CCDC59: variants seen among roughly 807,000 people sequenced by gnomAD.
CCDC59 encodes coiled-coil domain containing 59, also known as thyroid transcription factor 1-associated protein 26.
CCDC59 carries 27 observed loss-of-function variants against 30.5 expected under a neutral mutation model. The ratio of observed to expected loss-of-function variants is 0.89; its 90% CI spans 0.65 to 1.22. The LOEUF (loss-of-function observed/expected upper bound fraction) is 1.22. CCDC59 is among the 50% of genes most tolerant of loss of function. The probability of loss-of-function intolerance (pLI) is 0.00; values close to 1 mark genes in which losing one functional copy is unlikely to be tolerated. For missense variants in CCDC59, 362 were observed against 284.4 expected, an observed-to-expected ratio of 1.27 and a Z score of -1.96; for synonymous variants, 125 against 100.9, an observed-to-expected ratio of 1.24 and a Z score of -1.43.
chr12:82,358,454 G>A, upstream of CCDC59: 1 of 1,603,584 alleles, frequency 6.2e-7, no homozygotes, highest in South Asian at 1.1e-5. Context: ...GCAATCAATC[G>A]CTCAGAAGGA....
intron 2 of CCDC59, chr12:82,356,203 G>A (rs1881004491): frequency 6.6e-6 from 1 of 152,102 alleles, no homozygotes; most frequent in Non-Finnish European, 1.5e-5. Flanking sequence ...TTAGATTTTA[G>A]CATTGTTTTT....
In CCDC59 at chr12:82,353,037, T is replaced by A. The variant is rs916209939; in HGVS notation, c.*114A>T. The A allele has an allele frequency of 1.4e-6, 1 of 740,462 alleles. No homozygotes were observed. Among genetic ancestry groups the A allele is most frequent in the South Asian group, 2.3e-5 (1 of 43,876 alleles). 45.9% of individuals were successfully genotyped at this position (740,462 alleles called of 1,614,324 possible). On this transcript the variant is annotated 3_prime_UTR_variant, in exon 4 of 4. Coordinates refer to ENST00000256151, the MANE Select transcript of CCDC59 (RefSeq NM_014167.5). Reference sequence around the variant, plus strand: ...TAAAAATATGTGAACATCTTATATTTAGCATAGTTTAGCAATCCAGTTTAT... The same window carrying A: ...TAAAAATATGTGAACATCTTATATTAAGCATAGTTTAGCAATCCAGTTTAT...
intron 3 of CCDC59, among the ~76,000 whole-genome samples, chr12:82,354,192 T>C (rs940985901): frequency 2.6e-5 from 4 of 152,160 alleles, no homozygotes; most frequent in African/African-American, 9.7e-5. Flanking sequence ...TTGAGGTGCT[T>C]GTTAACAAGT....
intron 2 of CCDC59, chr12:82,355,964 C>G (rs1041891524): frequency 6.6e-5 from 10 of 152,178 alleles, no homozygotes; most frequent in African/African-American, 2.4e-4. Context: ...TACATTTCTA[C>G]TGCTAATCTT....
intron 1 of CCDC59, among the ~76,000 whole-genome samples, chr12:82,357,969 G>A (rs1020165918): frequency 1.3e-5 from 2 of 152,094 alleles, no homozygotes; most frequent in Non-Finnish European, 2.9e-5. Flanking sequence ...CAGTTTCTCA[G>A]GAAAAATATA....
chr12:82,358,727 ACCGGAGACAGTG>A, upstream of CCDC59: 2 of 1,614,060 alleles, frequency 1.2e-6, no homozygotes, highest in Admixed American at 1.7e-5. Flanking sequence ...TCGACTTGCC[ACCGGAGACAGTG>A]CTGGCTGCGC....
chr12:82,357,438 G>A, intron 1 of CCDC59, 169 bp from the exon 2 acceptor site: 1 of 617,528 alleles, frequency 1.6e-6, no homozygotes, highest in Non-Finnish European at 2.8e-6. Context: ...CTGATGGATT[G>A]CATAGTAAGT....
rs750767488 is a variant in CCDC59 at position 82,354,602 on chromosome 12, T to C, written c.465-8A>G. ...TTTGGAATTGTAAAGGAGCTTTTAA[T>C]TGGGGGATGAGGAAACAGGACTTTA... On this transcript the variant is annotated splice_region_variant and splice_polypyrimidine_tract_variant and intron_variant, in intron 2 of 3. Transcript: ENST00000256151. 2.5e-5 allele frequency: 39 copies of C among 1,565,370 alleles called. No homozygotes were observed. In the South Asian group the frequency reaches 4.4e-4, roughly 18 times the overall value.
At chr12:82,355,339 T>C (rs1394944198) in intron 2 of CCDC59, 4 of 152,316 alleles carry the variant, frequency 2.6e-5, no homozygotes, top group Non-Finnish European at 4.4e-5. Context: ...AAATATTAAA[T>C]TGAAAAATTC....
chr12:82,354,514 T>C lies in CCDC59; in HGVS notation c.545A>G (p.Lys182Arg), dbSNP rs192072744. Residue 182 changes from lysine (K) to arginine (R), a missense_variant, in exon 3 of 4, where the codon AAA (lysine) becomes AGA (arginine). Physicochemically the swap from Lys to Arg is conservative, Grantham distance 26 (BLOSUM62 2). Transcript: ENST00000256151. ...ACTTACTTGTTTCTTAGCAGCACGT[T>C]TGGCTTGTATCTGTTCATATTCTTC... ...AQEEYEQIQA[K>R]RAAKKQEFER... 1.9e-6 allele frequency: 3 copies of C among 1,596,274 alleles called. No homozygotes were observed. Among genetic ancestry groups the C allele is most frequent in the Admixed American group, 1.7e-5 (1 of 58,462 alleles).
At chr12:82,354,421 G>A in intron 3 of CCDC59, 74 bp downstream of exon 3, 1 of 1,146,676 alleles carries the variant, frequency 8.7e-7, no homozygotes, top group South Asian at 1.8e-5. Flanking sequence ...GCACCAAGAA[G>A]CACAACAGGT....
At chr12:82,356,908 T>G (rs1187207799) in intron 2 of CCDC59, 52 bp downstream of exon 2, 16 of 1,406,788 alleles carry the variant, frequency 1.1e-5, no homozygotes, top group South Asian at 1.1e-4. Context: ...CCTATAGTAC[T>G]TTTAAATAAT....
intron 3 of CCDC59, 21 bp from the exon 4 acceptor site, chr12:82,353,333 A>C (rs1421665216): frequency 6.4e-7 from 1 of 1,572,894 alleles, no homozygotes; most frequent in Admixed American, 1.9e-5. Flanking sequence ...TAACATATGT[A>C]ACTTTCATTA....
At chr12:82,354,686 T>G (rs1389506935) in intron 2 of CCDC59, 92 bp from the exon 3 acceptor site, 1 of 1,076,580 alleles carries the variant, frequency 9.3e-7, no homozygotes, top group Non-Finnish European at 1.2e-6. Context: ...GAGTATATAT[T>G]AAATAAAAGG....
chr12:82,357,245 T>G lies in CCDC59; in HGVS notation c.179A>C (p.Lys60Thr). 5 of 1,612,340 alleles carry G rather than the reference T, an allele frequency of 3.1e-6. No homozygotes were observed. The highest frequency in any genetic ancestry group is 4.2e-6 in the Non-Finnish European group (5 of 1,179,482). Residue 60 changes from lysine to threonine, a missense_variant, in exon 2 of 4, where the codon AAA (lysine) becomes ACA (threonine). Transcript: ENST00000256151. ...REGQGFAFRR[K>T]LKIQQSYKKL... ...CTTGTAACTTTGCTGTATTTTCAGT[T>G]TTCTTCGAAAAGCAAAGCCTTGTCC... is the stretch of plus-strand genomic sequence containing the variant.
At position 82,352,853 on chromosome 12, in the gene CCDC59, A is replaced by G. The variant is rs1592551021; in HGVS notation, c.*298T>C. ...GATAGCTCTGATTCCTTATTTTTAAAAAATTTATTTCATATAAATCTCATA... is the reference window on the plus strand; with the variant it reads ...GATAGCTCTGATTCCTTATTTTTAAGAAATTTATTTCATATAAATCTCATA... On this transcript the variant is annotated 3_prime_UTR_variant, in exon 4 of 4. Coordinates refer to ENST00000256151, the MANE Select transcript of CCDC59 (RefSeq NM_014167.5). 5.2e-6 allele frequency: 1 copy of G among 193,414 alleles called. No homozygotes were observed. Among genetic ancestry groups the G allele is most frequent in the East Asian group, 1.2e-4 (1 of 8,218 alleles). The allele number at this position is 193,414 out of a possible 1,614,324, so 12.0% of individuals were successfully genotyped here.
chr12:82,358,781 G>C (rs1279746927), upstream of CCDC59: 2 of 1,613,780 alleles, frequency 1.2e-6, no homozygotes, highest in South Asian at 2.2e-5. Flanking sequence ...CGGAGGCCCT[G>C]CCCTCAGAGA....
At position 82,358,285 on chromosome 12, in the gene CCDC59, T is replaced by C. The variant is rs1402114511; in HGVS notation, c.92A>G (p.Asn31Ser). ...AGGCCGCCATGTCTTCTGTCTCACATTCTTATTCCTGTACCCGACAGTGGA... is the reference window on the plus strand; with the variant it reads ...AGGCCGCCATGTCTTCTGTCTCACACTCTTATTCCTGTACCCGACAGTGGA... ...GVSTVGYRNKNVRQKTWRPNH... is the reference protein window; with the variant it reads ...GVSTVGYRNKSVRQKTWRPNH... Residue 31 changes from asparagine (N) to serine (S), a missense_variant, in exon 1 of 4, where the codon AAT becomes AGT. Asn to Ser is a conservative substitution (Grantham distance 46). Coordinates refer to ENST00000256151, the MANE Select transcript of CCDC59 (RefSeq NM_014167.5). 1.9e-6 allele frequency: 3 copies of C among 1,614,094 alleles called. No individual in the cohort carries two copies. The highest frequency in any genetic ancestry group is 1.3e-5 in the African/African-American group (1 of 74,946).
chr12:82,354,024 T>G (rs1880918654), intron 3 of CCDC59, among the ~76,000 whole-genome samples: 1 of 152,044 alleles, frequency 6.6e-6, no homozygotes, highest in African/African-American at 2.4e-5. Context: ...ATAGTTGTTT[T>G]TTTTTTTTAA....
Sources: gnomAD v4.1 joint callset for allele counts (sites outside exome capture counted in the v4.1 genomes callset) on GRCh38, gnomAD v4.1.1 for gene constraint, MANE v1.5 for transcripts, NCBI Gene and HGNC (gene_info 2026-07-23, HGNC 2026-07-21) for gene names.